The following TENM1 variants were observed in gnomAD, a reference collection of about 807,000 sequenced individuals.
TENM1 encodes teneurin transmembrane protein 1.
A neutral mutation model predicts 174.8 loss-of-function variants in TENM1; 35 were observed. The observed-to-expected ratio is 0.20, with a 90% CI of 0.15 to 0.27. TENM1 has a LOEUF of 0.27. Among genes scored for constraint, TENM1 ranks in the 10% least tolerant of loss-of-function variants. The pLI is 1.00. For missense variants in TENM1, 1,633 were observed against 2,130.1 expected (o/e 0.77, Z 4.59); for synonymous variants, 781 against 798.7 (o/e 0.98, Z 0.37).
chrX:124,572,637 G>A (rs5958529), intron 11 of TENM1, among the ~76,000 whole-genome samples: 6,511 of 111,131 alleles, frequency 0.059, 286 homozygotes, highest in African/African-American at 0.14. Context: ...AAAGGAAGAG[G>A]TAAAATTGAA....
intron 18 of TENM1, among the ~76,000 whole-genome samples, chrX:124,516,377 T>C (rs1375036050): frequency 1.8e-5 from 2 of 112,055 alleles, no homozygotes; most frequent in Non-Finnish European, 3.8e-5. Context: ...TAAGAGCTTA[T>C]GCACAGCAAA....
the TENM1 span, among the ~76,000 whole-genome samples, chrX:125,048,719 G>T: frequency 9.0e-6 from 1 of 111,012 alleles, no homozygotes; most frequent in Non-Finnish European, 1.9e-5. Flanking sequence ...ACTATTAAAT[G>T]GGTAGTTCAT....
At chrX:124,652,748 A>G (rs554704836) in intron 7 of TENM1, among the ~76,000 whole-genome samples, 211 of 108,344 alleles carry the variant, frequency 1.9e-3, no homozygotes, top group African/African-American at 7.3e-3. Context: ...ACATATTTAC[A>G]TATTCAAAAG....
chrX:124,511,223 T>C (rs771849430), intron 18 of TENM1, among the ~76,000 whole-genome samples: 17 of 112,322 alleles, frequency 1.5e-4, no homozygotes, highest in African/African-American at 4.8e-4. Flanking sequence ...AGATTTCCTT[T>C]TCATCTTCTG....
chrX:124,662,623 C>G (rs2051640390), intron 6 of TENM1, among the ~76,000 whole-genome samples: 1 of 110,282 alleles, frequency 9.1e-6, no homozygotes, highest in African/African-American at 3.3e-5. Context: ...CACTTACCAC[C>G]TAGGCTATTA....
At chrX:124,654,405 A>G (rs1282521952) in intron 6 of TENM1, among the ~76,000 whole-genome samples, 1 of 112,597 alleles carries the variant, frequency 8.9e-6, no homozygotes, top group Non-Finnish European at 1.9e-5. Flanking sequence ...CAGTACCTAG[A>G]ACAATGTAGG....
At chrX:124,901,011 C>T (rs1307500193) in intron 1 of TENM1, among the ~76,000 whole-genome samples, 2 of 110,412 alleles carry the variant, frequency 1.8e-5, no homozygotes, top group East Asian at 2.9e-4. Flanking sequence ...AGGCTGGTCT[C>T]GAACTCCTGA....
At chrX:124,734,133 A>G (rs1415454904) in intron 4 of TENM1, among the ~76,000 whole-genome samples, 3 of 110,821 alleles carry the variant, frequency 2.7e-5, no homozygotes, top group Non-Finnish European at 5.7e-5. Context: ...CCTTTCAATT[A>G]AAAAAGAAAG....
chrX:124,814,120 C>A (rs760781562), intron 3 of TENM1, among the ~76,000 whole-genome samples: 2 of 111,305 alleles, frequency 1.8e-5, no homozygotes, highest in South Asian at 7.6e-4. Context: ...CAGAAGTTAA[C>A]AGCTTCATTT....
At chrX:124,963,312 A>G (rs1467410323) in intron 1 of TENM1, among the ~76,000 whole-genome samples, 1 of 112,666 alleles carries the variant, frequency 8.9e-6, no homozygotes, top group Non-Finnish European at 1.9e-5. Context: ...GAATGCTCTG[A>G]TAAGAGGACT....
At chrX:125,197,950 T>C in the TENM1 span, among the ~76,000 whole-genome samples, 1 of 112,108 alleles carries the variant, frequency 8.9e-6, no homozygotes, top group Non-Finnish European at 1.9e-5. Context: ...GTAATATTAG[T>C]TTCTCAGGAC....
At chrX:125,019,976 T>C in the TENM1 span, among the ~76,000 whole-genome samples, 1 of 111,037 alleles carries the variant, frequency 9.0e-6, no homozygotes, top group Non-Finnish European at 1.9e-5. Context: ...TGAAATAGTC[T>C]CTAGGATGGA....
At chrX:124,888,087 C>T (rs1416842064) in intron 3 of TENM1, among the ~76,000 whole-genome samples, 2 of 111,678 alleles carry the variant, frequency 1.8e-5, no homozygotes, top group Non-Finnish European at 1.9e-5. Flanking sequence ...GAAACCCAGG[C>T]ATTAGGCTAG....
chrX:124,399,482 A>G (rs1390921390), intron 27 of TENM1, among the ~76,000 whole-genome samples: 2 of 112,144 alleles, frequency 1.8e-5, no homozygotes, highest in Non-Finnish European at 3.8e-5. Flanking sequence ...TATATTATTT[A>G]CCTTGGACAT....
intron 3 of TENM1, among the ~76,000 whole-genome samples, chrX:124,810,463 CA>C (rs368328353): frequency 6.8e-4 from 75 of 110,571 alleles, no homozygotes; most frequent in African/African-American, 2.2e-3. Flanking sequence ...ACAATAGTTA[CA>C]AAAAAATACT....
chrX:125,063,877 A>G, the TENM1 span, among the ~76,000 whole-genome samples: 1 of 111,918 alleles, frequency 8.9e-6, no homozygotes, highest in Non-Finnish European at 1.9e-5. Flanking sequence ...TTACTGTGGC[A>G]CTATTCACAA....
chrX:124,405,129 T>C (rs1292471046), exon 27 of TENM1: 1 of 1,211,576 alleles, frequency 8.3e-7, no homozygotes, highest in South Asian at 1.8e-5. Context: ...GGCAATGAGA[T>C]GTTGCATTTG....
At chrX:124,389,870 T>C (rs991770429) in intron 28 of TENM1, among the ~76,000 whole-genome samples, 2 of 112,445 alleles carry the variant, frequency 1.8e-5, no homozygotes, top group Non-Finnish European at 3.8e-5. Context: ...TTATGCGTTC[T>C]GTAGGTTCTG....
chrX:124,553,397 G>A (rs1256707591), intron 14 of TENM1, among the ~76,000 whole-genome samples: 1 of 108,315 alleles, frequency 9.2e-6, no homozygotes, highest in Non-Finnish European at 1.9e-5. Context: ...CTACTCGGGA[G>A]ACTGAGGCAG....
Sources: gnomAD v4.1 joint callset for allele counts (sites outside exome capture counted in the v4.1 genomes callset) on GRCh38, gnomAD v4.1.1 for gene constraint, MANE v1.5 for transcripts, NCBI Gene and HGNC (gene_info 2026-07-23, HGNC 2026-07-21) for gene names.